CAMK4: variants seen among roughly 807,000 people sequenced by gnomAD.
The protein encoded by CAMK4 is calcium/calmodulin dependent protein kinase IV.
Under a neutral mutation model 44.9 loss-of-function variants are expected in CAMK4, and 22 were observed. That is an observed-to-expected ratio of 0.49 (90% confidence interval 0.35 to 0.70). The LOEUF is 0.70. Ranked by LOEUF, CAMK4 falls within the 30% of genes least tolerant of loss-of-function variation. The pLI, the probability that CAMK4 is intolerant of heterozygous loss-of-function variation, is 0.01. For missense variants in CAMK4, 498 were observed against 586.8 expected, an observed-to-expected ratio of 0.85 and a Z score of 1.56; for synonymous variants, 218 against 215.4, an observed-to-expected ratio of 1.01 and a Z score of -0.11.
chr5:111,366,379 A>G (rs1170761545), intron 2 of CAMK4, among the ~76,000 whole-genome samples: 3 of 152,132 alleles, frequency 2.0e-5, no homozygotes, highest in Non-Finnish European at 4.4e-5. Context: ...AGGTCACCCC[A>G]GTTTTCCAAG....
At chr5:111,446,518 A>C (rs1018207178) in intron 5 of CAMK4, among the ~76,000 whole-genome samples, 168 bp from the exon 6 acceptor site, 1 of 152,236 alleles carries the variant, frequency 6.6e-6, no homozygotes, top group African/African-American at 2.4e-5. Flanking sequence ...ATAAAGTATT[A>C]TTTAATGTAT....
In CAMK4 at chr5:111,367,215, G is replaced by A. The variant is rs1750825230; in HGVS notation, c.241-7635G>A. 2.7e-5 allele frequency among the ~76,000 whole-genome samples: 4 copies of A among 150,414 alleles called. No individual in the cohort carries two copies. In the South Asian group the frequency reaches 8.6e-4, roughly 32 times the overall value. The stretch of plus-strand genomic sequence containing the variant: ...AGTTCTGGAAGGGGGTCATCCCATG[G>A]CAGATGGGCAGGATCCTGAAGCAAG... On this transcript the variant is annotated intron_variant, in intron 2 of 10. Coordinates refer to ENST00000282356, the MANE Select transcript of CAMK4 (RefSeq NM_001744.6).
chr5:111,342,747 T>C (rs1411002146), intron 1 of CAMK4, among the ~76,000 whole-genome samples: 1 of 151,582 alleles, frequency 6.6e-6, no homozygotes, highest in East Asian at 1.9e-4. Context: ...CATTATTGAA[T>C]TATTGTTGAT....
chr5:111,402,515 A>G (rs1752265247), intron 5 of CAMK4, among the ~76,000 whole-genome samples: 1 of 152,212 alleles, frequency 6.6e-6, no homozygotes, highest in Non-Finnish European at 1.5e-5. Context: ...AACAGGCATT[A>G]TATTATTCAA....
At chr5:111,270,238 T>C (rs1013467088) in intron 1 of CAMK4, 1 of 152,252 alleles carries the variant, frequency 6.6e-6, no homozygotes, top group Non-Finnish European at 1.5e-5. Context: ...TTAGTTGATA[T>C]AAGTTCTGTT....
intron 1 of CAMK4, among the ~76,000 whole-genome samples, chr5:111,271,949 G>A (rs924423628): frequency 3.9e-5 from 6 of 152,026 alleles, no homozygotes; most frequent in African/African-American, 9.7e-5. Context: ...TTTCTCTCCC[G>A]CGATTCTTGA....
Position 111,482,605 on chromosome 5 carries a change from C to A in CAMK4, c.829-180C>A. 2.2e-6 allele frequency: 1 copy of A among 454,672 alleles called. No homozygotes were observed. Among genetic ancestry groups the A allele is most frequent in the Non-Finnish European group, 3.9e-6 (1 of 259,010 alleles). The allele number at this position is 454,672 out of a possible 1,614,324, so 28.2% of individuals were successfully genotyped here. A position where few individuals can be genotyped will look rare whatever the true frequency, so the allele number is the denominator to read the frequency against. ...GCCCTGTCTTCTCATACTCCCTCAG[C>A]TACTGCTACCTGAAGCTGTGCCTAC... On this transcript the variant is annotated intron_variant, in intron 9 of 10. Coordinates refer to ENST00000282356, the MANE Select transcript of CAMK4 (RefSeq NM_001744.6). The surrounding 1 kb of genome is among the most constrained non-coding windows in gnomAD (Gnocchi z 4.9).
chr5:111,422,844 C>T (rs1168174557), intron 5 of CAMK4, among the ~76,000 whole-genome samples: 1 of 152,078 alleles, frequency 6.6e-6, no homozygotes, highest in Non-Finnish European at 1.5e-5. Flanking sequence ...GCATTTTATG[C>T]TCAGTTTGTA....
chr5:111,249,957 A>G (rs1749417934), intron 1 of CAMK4, among the ~76,000 whole-genome samples: 1 of 152,108 alleles, frequency 6.6e-6, no homozygotes, highest in Non-Finnish European at 1.5e-5. Flanking sequence ...CAATTCTCAC[A>G]ATAACCTGCT....
rs1755683881 is a variant in CAMK4, at chr5:111,487,732, G to T, written c.*3266G>T. The T allele has an allele frequency of 2.6e-5, 4 of 152,114 alleles. No individual in the cohort carries two copies. The highest frequency in any genetic ancestry group is 2.6e-4 in the Admixed American group (4 of 15,264). The allele number at this position is 152,114 out of a possible 1,614,324, so 9.4% of individuals were successfully genotyped here. On this transcript the variant is annotated 3_prime_UTR_variant, in exon 11 of 11. Transcript: ENST00000282356. Reference sequence around the variant, plus strand: ...TGCTCAATAGTCACATGTGGCTAGTGGCTACCATATTAGACAGCACTAGTC... The same window carrying T: ...TGCTCAATAGTCACATGTGGCTAGTTGCTACCATATTAGACAGCACTAGTC...
intron 1 of CAMK4, among the ~76,000 whole-genome samples, chr5:111,241,635 A>G (rs1401094192): frequency 6.6e-6 from 1 of 152,198 alleles, no homozygotes; most frequent in Non-Finnish European, 1.5e-5. Flanking sequence ...ATATCTACAT[A>G]AATTGCTTAT....
chr5:111,330,390 A>C (rs1366114596), intron 1 of CAMK4, among the ~76,000 whole-genome samples: 2 of 151,722 alleles, frequency 1.3e-5, no homozygotes, highest in Non-Finnish European at 1.5e-5. Context: ...TGGAGGACTC[A>C]ACATTAAGAT....
At chr5:111,411,416 A>G (rs76789659) in intron 5 of CAMK4, among the ~76,000 whole-genome samples, 1 of 152,354 alleles carries the variant, frequency 6.6e-6, no homozygotes, top group South Asian at 2.1e-4. Context: ...TGGAAGTATT[A>G]GTTCTAAGAG....
At chr5:111,266,308 A>T (rs1198368693) in intron 1 of CAMK4, among the ~76,000 whole-genome samples, 1 of 151,946 alleles carries the variant, frequency 6.6e-6, no homozygotes. Context: ...TCTGAACTGC[A>T]GTTGCTTCCC....
intron 5 of CAMK4, among the ~76,000 whole-genome samples, chr5:111,401,679 A>C (rs1331058115): frequency 6.6e-6 from 1 of 152,238 alleles, no homozygotes; most frequent in Non-Finnish European, 1.5e-5. Context: ...TTGATAATGA[A>C]TTGGTGACTA....
intron 4 of CAMK4, among the ~76,000 whole-genome samples, chr5:111,389,832 T>C (rs1168606858): frequency 6.6e-6 from 1 of 152,164 alleles, no homozygotes; most frequent in Non-Finnish European, 1.5e-5. Context: ...CCTGAGGCTA[T>C]AGGTACAGAG....
intron 2 of CAMK4, among the ~76,000 whole-genome samples, chr5:111,350,966 G>T (rs1750080454): frequency 6.6e-6 from 1 of 151,940 alleles, no homozygotes; most frequent in African/African-American, 2.4e-5. Context: ...CCAATTTCTT[G>T]GTAGATGAAT....
intron 1 of CAMK4, among the ~76,000 whole-genome samples, chr5:111,236,938 G>C (rs2112508746): frequency 6.6e-6 from 1 of 152,278 alleles, no homozygotes; most frequent in South Asian, 2.1e-4. Flanking sequence ...GCAAATAGCT[G>C]CAAGAAAATC....
chr5:111,297,458 G>A (rs1049338645), intron 1 of CAMK4, among the ~76,000 whole-genome samples: 3 of 152,150 alleles, frequency 2.0e-5, no homozygotes, highest in Non-Finnish European at 4.4e-5. Flanking sequence ...GTGGCTCTCA[G>A]TGTCCTGCTG....
Sources: allele counts gnomAD v4.1 joint callset (sites outside exome capture counted in the v4.1 genomes callset), GRCh38; gene constraint gnomAD v4.1.1; non-coding constraint Gnocchi (gnomAD v3.1); transcripts MANE v1.5; gene names NCBI Gene and HGNC (gene_info 2026-07-23, HGNC 2026-07-21).